Variants in GLO1 observed in about 807,000 individuals in gnomAD.
GLO1 encodes lactoylglutathione lyase.
Under a neutral mutation model 26.0 loss-of-function variants are expected in GLO1, and 28 were observed. The observed-to-expected ratio is 1.08, with a 90% CI of 0.80 to 1.48. The LOEUF is 1.48. Among genes scored for constraint, GLO1 ranks in the 40% most tolerant of loss-of-function variants. The pLI is 0.00. For missense variants in GLO1, 225 were observed against 224.8 expected (o/e 1.00, Z -0.01); for synonymous variants, 78 against 77.6 (o/e 1.00, Z -0.03).
chr6:38,697,575 T>C (rs1208757146), intron 1 of GLO1, among the ~76,000 whole-genome samples: 1 of 152,242 alleles, frequency 6.6e-6, no homozygotes, highest in Non-Finnish European at 1.5e-5. Context: ...TCCTTTCAAG[T>C]ATTTACAATT....
chr6:38,684,294 C>A, intron 3 of GLO1, 80 bp downstream of exon 3: 1 of 585,126 alleles, frequency 1.7e-6, no homozygotes, highest in South Asian at 8.0e-5. Context: ...TTATACTGGT[C>A]AGTAAACAAA....
chr6:38,686,944 C>T lies in GLO1; in HGVS notation c.115G>A (p.Val39Met). The part of the protein sequence containing the change: ...DFLLQQTMLR[V>M]KDPKKSLDFY... Reference sequence around the variant, plus strand: ...TCCAGTGACTTCTTAGGATCCTTCACTCGTAGCATGGTCTGCTGCAATAGA... The same window carrying T: ...TCCAGTGACTTCTTAGGATCCTTCATTCGTAGCATGGTCTGCTGCAATAGA... Residue 39 changes from valine to methionine, a missense_variant, in exon 2 of 6, where the codon GTG becomes ATG. Val to Met is a conservative substitution (Grantham distance 21). Transcript: ENST00000373365. 1 of 1,607,130 alleles carries T rather than the reference C, an allele frequency of 6.2e-7. No homozygotes were observed.
intron 5 of GLO1, among the ~76,000 whole-genome samples, chr6:38,681,309 G>T (rs974038201): frequency 2.0e-5 from 3 of 152,120 alleles, no homozygotes; most frequent in African/African-American, 4.8e-5. Context: ...TGATCCGCCC[G>T]CCTTGGCCTC....
intron 1 of GLO1, among the ~76,000 whole-genome samples, chr6:38,698,335 G>A (rs1469467197): frequency 1.3e-5 from 2 of 151,382 alleles, no homozygotes; most frequent in African/African-American, 2.4e-5. Context: ...TCTGGCCATT[G>A]TCCTTCTTCC....
Position 38,686,957 on chromosome 6 carries a change from C to G in GLO1, c.102G>C (p.Gln34His), listed in dbSNP as rs372860215. The change falls in exon 2 of 6, where the codon CAG (glutamine) becomes CAC (histidine). Residue 34 changes from glutamine to histidine, a missense_variant. Transcript: ENST00000373365. ...DPSTKDFLLQQTMLRVKDPKK... is the reference protein window; with the variant it reads ...DPSTKDFLLQHTMLRVKDPKK... ...TAGGATCCTTCACTCGTAGCATGGT[C>G]TGCTGCAATAGAAAATCCTATGGAA... 1.5e-4 allele frequency: 242 copies of G among 1,603,142 alleles called. No individual in the cohort carries two copies. The highest frequency in any genetic ancestry group is 1.7e-4 in the Non-Finnish European group (194 of 1,171,224).
intron 5 of GLO1, among the ~76,000 whole-genome samples, chr6:38,678,421 A>AAAAGAAAAGAAAAGG (rs1319308718): frequency 4.6e-5 from 7 of 152,192 alleles, no homozygotes; most frequent in African/African-American, 1.4e-4. Flanking sequence ...AAAAGAAAAG[A>AAAAGAAAAGAAAAGG]AAAGAAAAGA....
At chr6:38,693,555 G>A (rs934261444) in intron 1 of GLO1, among the ~76,000 whole-genome samples, 5 of 151,708 alleles carry the variant, frequency 3.3e-5, no homozygotes, top group African/African-American at 7.2e-5. Context: ...GGAAGCTTAC[G>A]TTATTAATTT....
At chr6:38,689,917 C>T (rs578018590) in intron 1 of GLO1, among the ~76,000 whole-genome samples, 37 of 152,016 alleles carry the variant, frequency 2.4e-4, no homozygotes, top group Non-Finnish European at 4.4e-4. Context: ...ACCCGCCTCC[C>T]GGGTTCAAGC....
chr6:38,679,744 T>C (rs1761338644), intron 5 of GLO1, among the ~76,000 whole-genome samples: 1 of 150,672 alleles, frequency 6.6e-6, no homozygotes, highest in Non-Finnish European at 1.5e-5. Context: ...CAGTGAGCTA[T>C]GATCACACCA....
intron 2 of GLO1, among the ~76,000 whole-genome samples, chr6:38,686,505 G>C (rs1761461712): frequency 6.6e-6 from 1 of 152,192 alleles, no homozygotes; most frequent in Non-Finnish European, 1.5e-5. Flanking sequence ...AAATAGAACA[G>C]ATGGTCAGTT....
At chr6:38,695,987 C>T (rs1761606365) in intron 1 of GLO1, among the ~76,000 whole-genome samples, 3 of 152,130 alleles carry the variant, frequency 2.0e-5, no homozygotes, top group Non-Finnish European at 4.4e-5. Context: ...AGCCAGTCTA[C>T]CTTCTTCTCA....
At chr6:38,678,699 G>T (rs1481012131) in intron 5 of GLO1, among the ~76,000 whole-genome samples, 1 of 152,214 alleles carries the variant, frequency 6.6e-6, no homozygotes, top group Non-Finnish European at 1.5e-5. Flanking sequence ...GAGAAACTGA[G>T]AAAAACTGGT....
chr6:38,695,548 C>G (rs974710380), intron 1 of GLO1, among the ~76,000 whole-genome samples: 1 of 152,064 alleles, frequency 6.6e-6, no homozygotes, highest in African/African-American at 2.4e-5. Flanking sequence ...TTAGGTTCCT[C>G]ATGTGTCTCC....
At position 38,682,895 on chromosome 6, in the gene GLO1, A is replaced by G. The variant is rs753629307; in HGVS notation, c.309-20T>C. On this transcript the variant is annotated intron_variant, in intron 3 of 5. Coordinates refer to ENST00000373365, the MANE Select transcript of GLO1 (RefSeq NM_006708.3). ...CAATTGCTACAAAAGGAAGGAAAAC[A>G]TAGCTACAATGTCCTAGGGAATAGA... The G allele has an allele frequency of 1.2e-5, 17 of 1,390,326 alleles. No individual in the cohort carries two copies. Among genetic ancestry groups the G allele is most frequent in the Non-Finnish European group, 1.3e-5 (13 of 974,384 alleles). The allele number at this position is 1,390,326 out of a possible 1,614,324, so 86.1% of individuals were successfully genotyped here. A position where few individuals can be genotyped will look rare whatever the true frequency, so the allele number is the denominator to read the frequency against.
At chr6:38,701,634 G>C (rs55784543) in intron 1 of GLO1, among the ~76,000 whole-genome samples, 1 of 151,952 alleles carries the variant, frequency 6.6e-6, no homozygotes, top group African/African-American at 2.4e-5. Flanking sequence ...TGGGCATGAC[G>C]GAATTTTTTT....
At position 38,697,062 on chromosome 6, in the gene GLO1, G is replaced by A. The variant is rs71571341; in HGVS notation, c.84+5909C>T. 3.7e-3 allele frequency among the ~76,000 whole-genome samples: 557 copies of A among 152,022 alleles called. 4 individuals are homozygous for A. The highest frequency in any genetic ancestry group is 6.7e-3 in the African/African-American group (278 of 41,480). On this transcript the variant is annotated intron_variant, in intron 1 of 5. Transcript: ENST00000373365. Reference sequence around the variant, plus strand: ...TGAGTAGCTGGGATTACAGGCACGCGCCACCATGTCTGGCTAATTTTTTTG... The same window carrying A: ...TGAGTAGCTGGGATTACAGGCACGCACCACCATGTCTGGCTAATTTTTTTG...
chr6:38,681,760 G>A (rs1761383989), intron 5 of GLO1, among the ~76,000 whole-genome samples: 2 of 152,216 alleles, frequency 1.3e-5, no homozygotes, highest in African/African-American at 4.8e-5. Context: ...GGCAGTGGGA[G>A]AGGAAGCGTA....
chr6:38,692,782 G>A (rs1036569323), intron 1 of GLO1, among the ~76,000 whole-genome samples: 1 of 150,938 alleles, frequency 6.6e-6, no homozygotes, highest in African/African-American at 2.4e-5. Flanking sequence ...TGTACCAACT[G>A]ATATGATCAT....
rs1761309039 is a variant in GLO1 at position 38,678,406 on chromosome 6, A to AAGGAAGG, written c.467-1024_467-1023insCCTTCCT. Among the ~76,000 whole-genome samples the AAGGAAGG allele has an allele frequency of 3.0e-5, 4 of 135,286 alleles. No homozygotes were observed. The South Asian group carries it at 7.5e-4, about 25-fold the overall frequency. The allele number at this position is 135,286 out of a possible 152,430, so 88.8% of individuals were successfully genotyped here. On this transcript the variant is annotated intron_variant, in intron 5 of 5. Transcript: ENST00000373365. The stretch of plus-strand genomic sequence containing the variant: ...AGGAAGGAAGGAAGGAAGGAAAAGA[A>AAGGAAGG]AAGGAAAAGAAAAGAAAAGAAAAGA...
Sources: allele counts gnomAD v4.1 joint callset (sites outside exome capture counted in the v4.1 genomes callset), GRCh38; gene constraint gnomAD v4.1.1; transcripts MANE v1.5; gene names NCBI Gene and HGNC (gene_info 2026-07-23, HGNC 2026-07-21).